PGBD1: variants seen among roughly 807,000 people sequenced by gnomAD.
PGBD1 encodes the protein piggyBac transposable element-derived protein 1.
In PGBD1, 25 loss-of-function variants were observed where a neutral mutation model predicts 34.7. The observed-to-expected ratio is 0.72, with a 90% CI of 0.52 to 1.00. The LOEUF (loss-of-function observed/expected upper bound fraction) is 1.00, where lower values mean the gene tolerates loss of function less well. Ranked by LOEUF, PGBD1 falls within the 50% of genes least tolerant of loss-of-function variation. The pLI is 0.00. For synonymous variants in PGBD1, 292 were observed against 335.7 expected, an observed-to-expected ratio of 0.87 and a Z score of 1.42; for missense variants, 830 against 959.4, an observed-to-expected ratio of 0.87 and a Z score of 1.78.
At position 28,285,698 on chromosome 6, in the gene PGBD1, G is replaced by A; in HGVS notation, c.544G>A (p.Glu182Lys). Residue 182 changes from glutamate (E) to lysine (K), a missense_variant, in exon 3 of 7, where the codon GAA (glutamate) becomes AAA (lysine). Glu to Lys is a moderately conservative substitution (Grantham distance 56). Coordinates refer to ENST00000682144, the MANE Select transcript of PGBD1 (RefSeq NM_032507.4). ...ACAGCGTCCTCAAGGGAACCCCCAA[G>A]AAGTGAGTGGTGAGTGCTCGAGTGA... ...PPQRPQGNPQEVSGPVPHGSA... is the reference protein window; with the variant it reads ...PPQRPQGNPQKVSGPVPHGSA... The A allele has an allele frequency of 1.2e-6, 2 of 1,613,412 alleles. No individual in the cohort carries two copies. The highest frequency in any genetic ancestry group is 1.7e-6 in the Non-Finnish European group (2 of 1,179,862).
intron 2 of PGBD1, among the ~76,000 whole-genome samples, chr6:28,285,054 C>A (rs1324104138): frequency 6.6e-6 from 1 of 152,292 alleles, no homozygotes; most frequent in African/African-American, 2.4e-5. Flanking sequence ...TCTGGAGTAG[C>A]TGCTGTCTTT....
In PGBD1 at chr6:28,296,838, A is replaced by G. The variant is rs1234468789; in HGVS notation, c.665A>G (p.Glu222Gly). The change falls in exon 5 of 7, where the codon GAA becomes GGA. Residue 222 changes from glutamate to glycine, a missense_variant. Glu to Gly is a moderately conservative substitution (Grantham distance 98, BLOSUM62 -2). Around this residue, in one of 3 missense-constraint regions of PGBD1, gnomAD observed 457 missense variants for 515.4 expected, o/e 0.89. Coordinates refer to ENST00000682144, the MANE Select transcript of PGBD1 (RefSeq NM_032507.4). Reference protein sequence around the residue: ...RSQTLVKTEEETAQAVAAEKW... With the variant: ...RSQTLVKTEEGTAQAVAAEKW... The stretch of plus-strand genomic sequence containing the variant: ...TAGACATTGGTGAAGACTGAGGAAG[A>G]AACAGCCCAGGCCGTTGCTGCAGAG... 1 of 1,614,056 alleles carries G rather than the reference A, an allele frequency of 6.2e-7. No homozygotes were observed. Among genetic ancestry groups the G allele is most frequent in the Non-Finnish European group, 8.5e-7 (1 of 1,180,010 alleles).
intron 4 of PGBD1, among the ~76,000 whole-genome samples, chr6:28,288,375 C>A (rs1762349824): frequency 6.6e-6 from 1 of 152,126 alleles, no homozygotes; most frequent in African/African-American, 2.4e-5. Context: ...GCTCAAAGTT[C>A]TACAACCTGG....
At chr6:28,295,641 A>G (rs528851041) in intron 4 of PGBD1, among the ~76,000 whole-genome samples, 39 of 152,356 alleles carry the variant, frequency 2.6e-4, no homozygotes, top group Middle Eastern at 6.8e-3. Flanking sequence ...TATTAGCAAT[A>G]AAGTATTTTT....
chr6:28,298,641 G>A (rs1162383677), intron 6 of PGBD1, among the ~76,000 whole-genome samples: 1 of 152,086 alleles, frequency 6.6e-6, no homozygotes, highest in African/African-American at 2.4e-5. Flanking sequence ...ACCTGAACAA[G>A]GTATAGGTCA....
At chr6:28,287,037 G>A in intron 3 of PGBD1, 43 bp from the exon 4 acceptor site, 1 of 1,487,696 alleles carries the variant, frequency 6.7e-7, no homozygotes, top group South Asian at 1.1e-5. Flanking sequence ...TACCCTAAAG[G>A]CCATCATGTC....
chr6:28,289,623 GAC>G (rs1762387251), intron 4 of PGBD1, among the ~76,000 whole-genome samples: 1 of 152,196 alleles, frequency 6.6e-6, no homozygotes, highest in Non-Finnish European at 1.5e-5. Flanking sequence ...AATAGGACTG[GAC>G]ACAGTGGCTC....
At chr6:28,282,178 A>G (rs1561883335) in intron 1 of PGBD1, among the ~76,000 whole-genome samples, 1 of 152,220 alleles carries the variant, frequency 6.6e-6, no homozygotes. Context: ...TCCTGACTGT[A>G]TAGAGTGGGT....
chr6:28,283,729 T>C (rs928783210), intron 1 of PGBD1, 47 bp from the exon 2 acceptor site: 2 of 1,464,230 alleles, frequency 1.4e-6, no homozygotes, highest in African/African-American at 1.4e-5. Context: ...ATAATTTGCA[T>C]GTTGCTGATA....
chr6:28,294,361 G>T (rs1762564491), intron 4 of PGBD1, among the ~76,000 whole-genome samples: 2 of 152,208 alleles, frequency 1.3e-5, no homozygotes. Flanking sequence ...GCTGCAGCAG[G>T]TTATCCAGAT....
rs1762265379 is a variant in PGBD1, at chr6:28,285,681, C to T, written c.527C>T (p.Pro176Leu). The T allele has an allele frequency of 2.5e-6, 4 of 1,613,882 alleles. No individual in the cohort carries two copies. Among genetic ancestry groups the T allele is most frequent in the Non-Finnish European group, 3.4e-6 (4 of 1,179,990 alleles). Residue 176 changes from proline to leucine, a missense_variant, in exon 3 of 7, where the codon CCT becomes CTT. By Grantham distance (98) the Pro-to-Leu change is moderately conservative. This residue lies in a region of PGBD1 where 457 missense variants were observed against 515.4 expected (regional missense o/e 0.89). Transcript: ENST00000682144. ...CTGAAGTGTGAACCTCCACAGCGTC[C>T]TCAAGGGAACCCCCAAGAAGTGAGT... ...TTLKCEPPQR[P>L]QGNPQEVSGP... is the part of the protein sequence containing the mutation.
chr6:28,285,285 A>G (rs775403230), intron 2 of PGBD1, among the ~76,000 whole-genome samples: 3 of 152,184 alleles, frequency 2.0e-5, no homozygotes, highest in Admixed American at 6.5e-5. Context: ...TTTCTCCACT[A>G]GAAAGTTACC....
At position 28,297,878 on chromosome 6, in the gene PGBD1, T is replaced by C. The variant is rs764923657; in HGVS notation, c.773-17T>C. On this transcript the variant is annotated splice_polypyrimidine_tract_variant and intron_variant, in intron 5 of 6. Coordinates refer to ENST00000682144, the MANE Select transcript of PGBD1 (RefSeq NM_032507.4). Reference sequence around the variant, plus strand: ...CACATAACAGATGACATTTAAATCATTAATGTTATATTTTAGCTGAAGAAA... The same window carrying C: ...CACATAACAGATGACATTTAAATCACTAATGTTATATTTTAGCTGAAGAAA... The C allele has an allele frequency of 1.5e-6, 1 of 648,558 alleles. No individual in the cohort carries two copies. Among genetic ancestry groups the C allele is most frequent in the Non-Finnish European group, 2.6e-6 (1 of 383,542 alleles). The allele number at this position is 648,558 out of a possible 1,614,324, so 40.2% of individuals were successfully genotyped here. A position where few individuals can be genotyped will look rare whatever the true frequency, so the allele number is the denominator to read the frequency against.
Position 28,287,078 on chromosome 6 carries a change from A to G in PGBD1, c.554-2A>G, listed in dbSNP as rs1381773799. 1 of 1,612,994 alleles carries G rather than the reference A, an allele frequency of 6.2e-7. No homozygotes were observed. Among genetic ancestry groups the G allele is most frequent in the Admixed American group, 1.7e-5 (1 of 60,014 alleles). On this transcript the variant is annotated splice_acceptor_variant, in intron 3 of 6. Coordinates refer to ENST00000682144, the MANE Select transcript of PGBD1 (RefSeq NM_032507.4). LOFTEE classifies it high-confidence loss of function. Reference sequence around the variant, plus strand: ...TAGGACTCTTGCCCTCTCTCTCTGCAGGGCCTGTTCCCCACGGATCAGCTC... The same window carrying G: ...TAGGACTCTTGCCCTCTCTCTCTGCGGGGCCTGTTCCCCACGGATCAGCTC...
rs1403738236 is a variant in PGBD1, at chr6:28,300,455, A to G, written c.870-269A>G. Among the ~76,000 whole-genome samples, 1 of 152,178 alleles carries G rather than the reference A, an allele frequency of 6.6e-6. No individual in the cohort carries two copies. The highest frequency in any genetic ancestry group is 2.4e-5 in the African/African-American group (1 of 41,436). Reference sequence around the variant, plus strand: ...TGGGATGTCTGCATCCTGCTCCTAAAGAGGACAGAGGGAGGAGTGTACCAA... The same window carrying G: ...TGGGATGTCTGCATCCTGCTCCTAAGGAGGACAGAGGGAGGAGTGTACCAA... On this transcript the variant is annotated intron_variant, in intron 6 of 6. Coordinates refer to ENST00000682144, the MANE Select transcript of PGBD1 (RefSeq NM_032507.4). The surrounding 1 kb of genome is among the most constrained non-coding windows in gnomAD (Gnocchi z 4.0).
chr6:28,298,693 T>C (rs543738717), intron 6 of PGBD1, among the ~76,000 whole-genome samples: 1 of 152,040 alleles, frequency 6.6e-6, no homozygotes, highest in African/African-American at 2.4e-5. Context: ...ATGACAGTGG[T>C]GTGTGCTTCA....
chr6:28,293,208 T>TG (rs1454947625), intron 4 of PGBD1, among the ~76,000 whole-genome samples: 1 of 152,168 alleles, frequency 6.6e-6, no homozygotes, highest in Non-Finnish European at 1.5e-5. Context: ...CCCAAAGTGC[T>TG]GGGATTACAG....
chr6:28,283,094 G>A (rs1324319713), intron 1 of PGBD1, among the ~76,000 whole-genome samples: 1 of 152,174 alleles, frequency 6.6e-6, no homozygotes, highest in East Asian at 1.9e-4. Context: ...TGAGCACTAG[G>A]CCTGGCTGGG....
At chr6:28,282,421 G>A (rs544596606) in intron 1 of PGBD1, among the ~76,000 whole-genome samples, 1 of 152,324 alleles carries the variant, frequency 6.6e-6, no homozygotes, top group African/African-American at 2.4e-5. Flanking sequence ...CTTTGTGTGT[G>A]TTTATGTGTG....
Sources: allele counts gnomAD v4.1 joint callset (sites outside exome capture counted in the v4.1 genomes callset), GRCh38; gene constraint gnomAD v4.1.1; regional missense constraint gnomAD v4.1.1; non-coding constraint Gnocchi (gnomAD v3.1); transcripts MANE v1.5; gene names NCBI Gene and HGNC (gene_info 2026-07-23, HGNC 2026-07-21).